Variants in KHDRBS3 observed in about 807,000 individuals in gnomAD.
KHDRBS3 encodes the protein KH RNA binding domain containing, signal transduction associated 3, also known as KH domain-containing, RNA-binding, signal transduction-associated protein 3.
KHDRBS3 carries 23 observed loss-of-function variants against 45.6 expected under a neutral mutation model. The observed-to-expected ratio is 0.50, with a 90% confidence interval of 0.36 to 0.72. KHDRBS3 has a LOEUF of 0.72. Ranked by LOEUF, KHDRBS3 falls within the 30% of genes least tolerant of loss-of-function variation. The probability of loss-of-function intolerance (pLI) is 0.00; values close to 1 mark genes in which losing one functional copy is unlikely to be tolerated. For missense variants in KHDRBS3, 352 were observed against 424.8 expected (o/e 0.83, Z 1.51); for synonymous variants, 162 against 156.5 (o/e 1.04, Z -0.26).
chr8:135,644,966 T>G, intron 7 of KHDRBS3, 93 bp from the exon 8 acceptor site: 1 of 1,296,650 alleles, frequency 7.7e-7, no homozygotes, highest in Non-Finnish European at 1.1e-6. Context: ...TGCCCTTCAT[T>G]AGTTGTCTTT....
At chr8:135,597,566 C>G (rs547348426) in intron 6 of KHDRBS3, among the ~76,000 whole-genome samples, 1 of 152,026 alleles carries the variant, frequency 6.6e-6, no homozygotes, top group Admixed American at 6.6e-5. Flanking sequence ...CTCCCCAACA[C>G]TCTCATTATC....
intron 2 of KHDRBS3, chr8:135,540,619 AAGTGTGCGTGCTT>A (rs1363690996): frequency 2.6e-5 from 4 of 152,236 alleles, no homozygotes; most frequent in Non-Finnish European, 5.9e-5. Flanking sequence ...CTTTAAATAA[AAGTGTGCGTGCTT>A]AGTGATGGGA....
chr8:135,461,867 G>A lies in KHDRBS3; in HGVS notation c.88+3913G>A, dbSNP rs116578028. On this transcript the variant is annotated intron_variant, in intron 1 of 8. Coordinates refer to ENST00000355849, the MANE Select transcript of KHDRBS3 (RefSeq NM_006558.3). ...GGTGGTCCAGATTTGTGTCTAGGTT[G>A]ATAAAAGTTTTTTGTTTGTATATCA... Among the ~76,000 whole-genome samples, 174 of 152,260 alleles carry A rather than the reference G, an allele frequency of 1.1e-3. 1 individual carries two copies. Among genetic ancestry groups the A allele is most frequent in the African/African-American group, 4.0e-3 (166 of 41,538 alleles).
At chr8:135,522,541 G>A (rs1824969543) in intron 2 of KHDRBS3, among the ~76,000 whole-genome samples, 1 of 152,196 alleles carries the variant, frequency 6.6e-6, no homozygotes, top group Admixed American at 6.5e-5. Flanking sequence ...TGTGCAGGCT[G>A]TAGCTGCCTC....
At chr8:135,525,762 A>G (rs1285069373) in intron 2 of KHDRBS3, among the ~76,000 whole-genome samples, 2 of 152,202 alleles carry the variant, frequency 1.3e-5, no homozygotes, top group Non-Finnish European at 2.9e-5. Context: ...TATGCTCTGT[A>G]TACTTAATAT....
intron 7 of KHDRBS3, among the ~76,000 whole-genome samples, chr8:135,637,875 A>C (rs967415183): frequency 6.6e-6 from 1 of 152,234 alleles, no homozygotes; most frequent in Admixed American, 6.5e-5. Flanking sequence ...ATCTAAGTGC[A>C]TTGTAAACTG....
At chr8:135,578,227 C>A (rs1185797129) in intron 5 of KHDRBS3, among the ~76,000 whole-genome samples, 1 of 152,090 alleles carries the variant, frequency 6.6e-6, no homozygotes, top group African/African-American at 2.4e-5. Context: ...AAGCCGAAGT[C>A]TATAATTTTA....
chr8:135,582,809 C>T (rs1828281184), intron 6 of KHDRBS3, among the ~76,000 whole-genome samples: 1 of 152,200 alleles, frequency 6.6e-6, no homozygotes, highest in African/African-American at 2.4e-5. Context: ...AGTAGGTTTT[C>T]ATTGTTTTAC....
chr8:135,645,992 A>AT (rs57082119), intron 8 of KHDRBS3, among the ~76,000 whole-genome samples: 40 of 100,706 alleles, frequency 4.0e-4, no homozygotes, highest in African/African-American at 1.4e-3. Context: ...TGCACCTTGG[A>AT]TTTTTTTTTT....
At chr8:135,516,345 A>G (rs1824600994) in intron 1 of KHDRBS3, among the ~76,000 whole-genome samples, 1 of 152,176 alleles carries the variant, frequency 6.6e-6, no homozygotes, top group Admixed American at 6.5e-5. Context: ...ATCTGGCAGC[A>G]TGGAAGGTTT....
chr8:135,502,350 G>A (rs1206271911), intron 1 of KHDRBS3, among the ~76,000 whole-genome samples: 1 of 152,086 alleles, frequency 6.6e-6, no homozygotes, highest in Non-Finnish European at 1.5e-5. Context: ...TTGAGAACAT[G>A]GATATATCTA....
chr8:135,588,308 A>T (rs1446527298), intron 6 of KHDRBS3, among the ~76,000 whole-genome samples: 1 of 152,108 alleles, frequency 6.6e-6, no homozygotes, highest in East Asian at 1.9e-4. Context: ...GATGGAAGAG[A>T]CACATAGGGC....
chr8:135,470,829 G>T (rs1821980145), intron 1 of KHDRBS3, among the ~76,000 whole-genome samples: 4 of 152,164 alleles, frequency 2.6e-5, no homozygotes, highest in Admixed American at 2.6e-4. Context: ...CAGGTGATCT[G>T]CTTGCCTCGG....
chr8:135,578,396 G>A (rs751471400), intron 5 of KHDRBS3, among the ~76,000 whole-genome samples: 2 of 148,576 alleles, frequency 1.3e-5, no homozygotes, highest in Non-Finnish European at 3.0e-5. Context: ...GTTGATTTTT[G>A]TGAAATATGT....
At chr8:135,483,490 G>A (rs888554927) in intron 1 of KHDRBS3, among the ~76,000 whole-genome samples, 2 of 152,166 alleles carry the variant, frequency 1.3e-5, no homozygotes, top group Non-Finnish European at 2.9e-5. Flanking sequence ...GGAATTTTCT[G>A]CCCTTCGGAA....
At chr8:135,620,426 C>T (rs1830091126) in intron 7 of KHDRBS3, among the ~76,000 whole-genome samples, 2 of 152,096 alleles carry the variant, frequency 1.3e-5, no homozygotes, top group Non-Finnish European at 2.9e-5. Flanking sequence ...GACCTGGCCC[C>T]AATTCCTTCT....
At chr8:135,495,947 G>A (rs1325509990) in intron 1 of KHDRBS3, among the ~76,000 whole-genome samples, 1 of 151,750 alleles carries the variant, frequency 6.6e-6, no homozygotes, top group African/African-American at 2.4e-5. Flanking sequence ...ATTTTAGAAA[G>A]TGTAGTTTAA....
intron 7 of KHDRBS3, among the ~76,000 whole-genome samples, chr8:135,626,327 T>G (rs1315035907): frequency 4.6e-5 from 7 of 152,232 alleles, no homozygotes; most frequent in Admixed American, 2.6e-4. Context: ...CTATGCCAGC[T>G]TCTAAAATGA....
At chr8:135,552,346 A>G (rs996589064) in intron 4 of KHDRBS3, among the ~76,000 whole-genome samples, 2 of 152,028 alleles carry the variant, frequency 1.3e-5, no homozygotes, top group African/African-American at 2.4e-5. Context: ...GATAATTTTA[A>G]TGGACTAGTC....
Sources: gnomAD v4.1 joint callset for allele counts (sites outside exome capture counted in the v4.1 genomes callset) on GRCh38, gnomAD v4.1.1 for gene constraint, MANE v1.5 for transcripts, NCBI Gene and HGNC (gene_info 2026-07-23, HGNC 2026-07-21) for gene names.